NCEH1: variants seen among roughly 807,000 people sequenced by gnomAD.
The protein encoded by NCEH1 is neutral cholesterol ester hydrolase 1, also known as 2-acetyl MAGE hydrolase.
In NCEH1, 9 loss-of-function variants were observed where a neutral mutation model predicts 25.4. The observed-to-expected ratio is 0.35, with a 90% CI of 0.21 to 0.62. NCEH1 has a LOEUF of 0.62. Ranked by LOEUF, NCEH1 falls within the 20% of genes least tolerant of loss-of-function variation. The pLI is 0.72. For missense variants in NCEH1, 412 were observed against 501.1 expected, an observed-to-expected ratio of 0.82 and a Z score of 1.70; for synonymous variants, 200 against 199.8, an observed-to-expected ratio of 1.00 and a Z score of -0.01.
At chr3:172,686,359 C>T (rs1712693157) in intron 1 of NCEH1, among the ~76,000 whole-genome samples, 2 of 152,198 alleles carry the variant, frequency 1.3e-5, no homozygotes, top group Admixed American at 1.3e-4. Flanking sequence ...CACCAAATAC[C>T]CAACACTTCA....
In NCEH1 at chr3:172,633,972, G is replaced by A. The variant is rs1226693373; in HGVS notation, c.730C>T (p.Pro244Ser). Residue 244 changes from proline (P) to serine (S), a missense_variant, in exon 5 of 5, where the codon CCC (proline) becomes TCC (serine). Transcript: ENST00000475381. ...YQQNVNTPIL[P>S]RYVMVKYWVD... ...CAATACTTCACCATGACATAGCGGG[G>A]CAGGATTGGGGTGTTCACATTTTGC... 5 of 1,614,184 alleles carry A rather than the reference G, an allele frequency of 3.1e-6. No homozygotes were observed. In the East Asian group the frequency reaches 6.7e-5, roughly 22 times the overall value.
intron 1 of NCEH1, among the ~76,000 whole-genome samples, chr3:172,649,031 A>G (rs1178852988): frequency 4.6e-5 from 7 of 152,150 alleles, no homozygotes; most frequent in Non-Finnish European, 1.0e-4. Context: ...CACGGAAACA[A>G]TGTTGCTAGC....
At chr3:172,699,892 C>T (rs1713587866) in intron 1 of NCEH1, among the ~76,000 whole-genome samples, 1 of 152,084 alleles carries the variant, frequency 6.6e-6, no homozygotes, top group South Asian at 2.1e-4. Flanking sequence ...GTTGACCTAG[C>T]ATGATTATTA....
chr3:172,653,754 TTTTTTG>T (rs1560186518), intron 1 of NCEH1, among the ~76,000 whole-genome samples: 22 of 55,426 alleles, frequency 4.0e-4, no homozygotes, highest in African/African-American at 1.6e-3. Context: ...GTTTTTTTGT[TTTTTTG>T]TTTTTTTTTT....
At chr3:172,653,899 G>A (rs1162824700) in intron 1 of NCEH1, among the ~76,000 whole-genome samples, 1 of 151,786 alleles carries the variant, frequency 6.6e-6, no homozygotes, top group East Asian at 1.9e-4. Context: ...TGGGATTACA[G>A]GCACATGCCA....
rs201211826 is a variant in NCEH1 at position 172,636,038 on chromosome 3, C to T, written c.487G>A (p.Val163Ile). The T allele has an allele frequency of 2.0e-5, 32 of 1,613,934 alleles. No individual in the cohort carries two copies. Among genetic ancestry groups the T allele is most frequent in the Non-Finnish European group, 2.4e-5 (28 of 1,179,974 alleles). Residue 163 changes from valine (V) to isoleucine (I), a missense_variant, in exon 4 of 5, where the codon GTA (valine) becomes ATA (isoleucine). This residue lies in a region of NCEH1 where 24 missense variants were observed against 53.8 expected (regional missense o/e 0.45). Transcript: ENST00000475381. ...TTCAGGAAATACTTTGTGGCCCGTA[C>T]AACATCATGAATTTGCTCAGGAAAA... Reference protein sequence around the residue: ...VYFPEQIHDVVRATKYFLKPE... With the variant: ...VYFPEQIHDVIRATKYFLKPE...
chr3:172,648,194 T>C, intron 1 of NCEH1, 80 bp from the exon 2 acceptor site: 1 of 1,522,330 alleles, frequency 6.6e-7, no homozygotes, highest in Non-Finnish European at 9.0e-7. Flanking sequence ...CAACTGAGTG[T>C]CTGAATTCCT....
chr3:172,652,320 T>G (rs1717439248), intron 1 of NCEH1, among the ~76,000 whole-genome samples: 1 of 152,228 alleles, frequency 6.6e-6, no homozygotes, highest in Admixed American at 6.5e-5. Context: ...CCATTATATG[T>G]ACCCAAGAGT....
chr3:172,687,002 GCTT>G (rs1712735390), intron 1 of NCEH1, among the ~76,000 whole-genome samples: 1 of 152,136 alleles, frequency 6.6e-6, no homozygotes, highest in African/African-American at 2.4e-5. Context: ...ACAGCTTGCT[GCTT>G]TTCTGTTTGG....
rs761041553 is a variant in NCEH1, at chr3:172,633,697, C to T, written c.1005G>A (p.Gln335=). ...TCAGAATGTAGGTCTTTGGGAGGAGCTGCAGCACTGCCTGGTCTGCAATGA... is the reference window on the plus strand; with the variant it reads ...TCAGAATGTAGGTCTTTGGGAGGAGTTGCAGCACTGCCTGGTCTGCAATGA... ...APLIADQAVL[Q]LLPKTYILTC... is the part of the protein sequence containing the mutation. The change falls in exon 5 of 5, where the codon CAG becomes CAA. Residue 335 remains glutamine (Q), a synonymous_variant. Coordinates refer to ENST00000475381, the MANE Select transcript of NCEH1 (RefSeq NM_020792.6). 63 of 1,614,088 alleles carry T rather than the reference C, an allele frequency of 3.9e-5. No homozygotes were observed. In the Admixed American group the frequency reaches 1.0e-3, roughly 27 times the overall value.
rs1159407444 is a variant in NCEH1, at chr3:172,701,466, T to TTTTTA, written c.138+9380_138+9381insTAAAA. The stretch of plus-strand genomic sequence containing the variant: ...TCTTTTGCCTTTTTTTTTTTTTTTT[T>TTTTTA]AAAGACGGAGTCTCCCTCTATTGCC... On this transcript the variant is annotated intron_variant, in intron 1 of 4. Transcript: ENST00000475381. Among the ~76,000 whole-genome samples, 814 of 143,640 alleles carry TTTTTA rather than the reference T, an allele frequency of 5.7e-3. 18 individuals are homozygous for TTTTTA. In the South Asian group the frequency reaches 0.057, roughly 10 times the overall value. 94.2% of individuals were successfully genotyped at this position (143,640 alleles called of 152,430 possible).
chr3:172,664,783 C>T (rs1430764200), intron 1 of NCEH1, among the ~76,000 whole-genome samples: 1 of 152,150 alleles, frequency 6.6e-6, no homozygotes, highest in Non-Finnish European at 1.5e-5. Flanking sequence ...TCACGTAGTT[C>T]TCGTGCCATG....
chr3:172,697,174 C>T lies in NCEH1; in HGVS notation c.138+13673G>A, dbSNP rs567412007. 5.5e-4 allele frequency among the ~76,000 whole-genome samples: 83 copies of T among 151,996 alleles called. 1 individual carries two copies. Among genetic ancestry groups the T allele is most frequent in the African/African-American group, 1.3e-3 (55 of 41,434 alleles). The stretch of plus-strand genomic sequence containing the variant: ...AAACTCCTGAGCTCAGGCAATCCAC[C>T]GGTCTTGGCCTCCCAAAGTGCTAGG... On this transcript the variant is annotated intron_variant, in intron 1 of 4. Coordinates refer to ENST00000475381, the MANE Select transcript of NCEH1 (RefSeq NM_020792.6).
intron 1 of NCEH1, among the ~76,000 whole-genome samples, chr3:172,681,736 C>CAAAA (rs768887847): frequency 5.6e-4 from 58 of 103,874 alleles, no homozygotes; most frequent in African/African-American, 1.9e-3. Flanking sequence ...GTAAAAATAC[C>CAAAA]AAAAAAAAAA....
At chr3:172,692,662 G>A (rs1173098025) in intron 1 of NCEH1, among the ~76,000 whole-genome samples, 1 of 152,098 alleles carries the variant, frequency 6.6e-6, no homozygotes, top group East Asian at 1.9e-4. Context: ...ACCGTGCCTG[G>A]CCTAGAATAT....
chr3:172,691,686 A>T (rs1028396599), intron 1 of NCEH1, among the ~76,000 whole-genome samples: 1 of 152,280 alleles, frequency 6.6e-6, no homozygotes, highest in Non-Finnish European at 1.5e-5. Flanking sequence ...GCGGTGGCTC[A>T]CGCCTGTAAT....
At chr3:172,647,751 A>C in intron 2 of NCEH1, 135 bp downstream of exon 2, 2 of 1,219,110 alleles carry the variant, frequency 1.6e-6, no homozygotes, top group South Asian at 3.0e-5. Context: ...CTGGGACAAC[A>C]GGGGTAACTG....
intron 1 of NCEH1, among the ~76,000 whole-genome samples, chr3:172,653,709 T>C (rs2108500729): frequency 7.1e-6 from 1 of 140,684 alleles, no homozygotes; most frequent in East Asian, 2.6e-4. Flanking sequence ...TGGAAAGTGG[T>C]TTGTTTTTGT....
chr3:172,646,408 TCAGTA>T lies in NCEH1; in HGVS notation c.368-721_368-717del, dbSNP rs1214543134. The stretch of plus-strand genomic sequence containing the variant: ...CTTTTAACACTTCATTTGCTGCAGT[TCAGTA>T]AAGTGATCAATTTGAAGAATATGGT... On this transcript the variant is annotated intron_variant, in intron 2 of 4. Transcript: ENST00000475381. 9.9e-5 allele frequency among the ~76,000 whole-genome samples: 15 copies of T among 152,108 alleles called. 1 individual carries two copies. The highest frequency in any genetic ancestry group is 6.2e-4 in the South Asian group (3 of 4,828).
Sources: gnomAD v4.1 joint callset for allele counts (sites outside exome capture counted in the v4.1 genomes callset) on GRCh38, gnomAD v4.1.1 for gene constraint, gnomAD v4.1.1 regional missense constraint, MANE v1.5 for transcripts, NCBI Gene and HGNC (gene_info 2026-07-23, HGNC 2026-07-21) for gene names.